Variants in COL5A2 observed in about 807,000 individuals in gnomAD.
COL5A2 encodes collagen type V alpha 2 chain.
A neutral mutation model predicts 208.2 loss-of-function variants in COL5A2; 23 were observed. That is an observed-to-expected ratio of 0.11 (90% CI 0.08 to 0.16). The LOEUF (loss-of-function observed/expected upper bound fraction) is 0.16, where lower values mean the gene tolerates loss of function less well. COL5A2 is among the 10% of genes least tolerant of loss of function. The pLI is 1.00. For missense variants in COL5A2, 1,590 were observed against 1,956.4 expected (o/e 0.81, Z 3.53); for synonymous variants, 625 against 628.5 (o/e 0.99, Z 0.08).
At position 189,064,879 on chromosome 2, in the gene COL5A2, G is replaced by GT. The variant is rs1686113802; in HGVS notation, c.1617+124dup. The stretch of plus-strand genomic sequence containing the variant: ...CAAGAGAGGATTGGGGTTAGGCCTG[G>GT]TATTTGTATCCATCTCCTTTCTGGA... On this transcript the variant is annotated intron_variant, in intron 24 of 53. Coordinates refer to ENST00000374866, the MANE Select transcript of COL5A2 (RefSeq NM_000393.5). 6.2e-6 allele frequency: 6 copies of GT among 960,942 alleles called. No homozygotes were observed. The South Asian group carries it at 8.3e-5, about 13-fold the overall frequency. 59.5% of individuals were successfully genotyped at this position (960,942 alleles called of 1,614,324 possible).
chr2:189,269,856 C>T, the COL5A2 span, among the ~76,000 whole-genome samples: 1 of 152,118 alleles, frequency 6.6e-6, no homozygotes, highest in South Asian at 2.1e-4. Flanking sequence ...AGCTGTGAAT[C>T]CATCTGGTCC....
In COL5A2 at chr2:189,109,920, G is replaced by A. The variant is rs989200587; in HGVS notation, c.322+305C>T. Among the ~76,000 whole-genome samples the A allele has an allele frequency of 3.3e-5, 5 of 152,066 alleles. No individual in the cohort carries two copies. The East Asian group carries it at 5.8e-4, about 18-fold the overall frequency. On this transcript the variant is annotated intron_variant, in intron 2 of 53. Coordinates refer to ENST00000374866, the MANE Select transcript of COL5A2 (RefSeq NM_000393.5). ...AAGGGAAACTGAAAAATAACTTGGA[G>A]GCACTCATCATGCATATGGTAACAA... is the stretch of plus-strand genomic sequence containing the variant.
the COL5A2 span, among the ~76,000 whole-genome samples, chr2:189,287,319 G>A: frequency 6.6e-6 from 1 of 151,950 alleles, no homozygotes; most frequent in African/African-American, 2.4e-5. Flanking sequence ...CCTAATGAAT[G>A]ACAGAATAAA....
intron 1 of COL5A2, among the ~76,000 whole-genome samples, chr2:189,144,295 G>A (rs1174807194): frequency 2.0e-5 from 3 of 152,134 alleles, no homozygotes; most frequent in Non-Finnish European, 4.4e-5. Flanking sequence ...ACATAGTTGG[G>A]TATTTGCTTA....
chr2:189,216,332 A>C (rs1391349612), intron 1 of COL5A2, among the ~76,000 whole-genome samples: 2 of 152,022 alleles, frequency 1.3e-5, no homozygotes, highest in Non-Finnish European at 2.9e-5. Flanking sequence ...CCATATTAAG[A>C]TTCATCCCTT....
At chr2:189,093,358 T>C (rs536622531) in intron 6 of COL5A2, among the ~76,000 whole-genome samples, 1 of 152,166 alleles carries the variant, frequency 6.6e-6, no homozygotes, top group Non-Finnish European at 1.5e-5. Context: ...AAGGGAAATA[T>C]GGTAAATGAA....
the COL5A2 span, among the ~76,000 whole-genome samples, chr2:189,341,327 T>G: frequency 6.6e-6 from 1 of 152,140 alleles, no homozygotes; most frequent in African/African-American, 2.4e-5. Context: ...TTCAAACCAC[T>G]GTATTAAAGT....
chr2:189,296,960 G>A, the COL5A2 span, among the ~76,000 whole-genome samples: 1 of 152,100 alleles, frequency 6.6e-6, no homozygotes, highest in Non-Finnish European at 1.5e-5. Context: ...GCCAATCTGG[G>A]AGCCCCCATC....
intron 1 of COL5A2, among the ~76,000 whole-genome samples, chr2:189,218,308 T>C (rs577393005): frequency 4.6e-5 from 7 of 152,242 alleles, no homozygotes; most frequent in Admixed American, 1.3e-4. Flanking sequence ...AAGTAGACAC[T>C]AAATCCAATG....
the COL5A2 span, among the ~76,000 whole-genome samples, chr2:189,243,276 C>A: frequency 6.6e-6 from 1 of 152,102 alleles, no homozygotes; most frequent in Non-Finnish European, 1.5e-5. Flanking sequence ...TAAGTTCAAT[C>A]TAGAAAAAAT....
At chr2:189,335,634 C>G in the COL5A2 span, among the ~76,000 whole-genome samples, 5 of 151,998 alleles carry the variant, frequency 3.3e-5, no homozygotes, top group African/African-American at 9.7e-5. Context: ...ATAAATCATG[C>G]TAAATGAAAT....
At chr2:189,231,268 C>G in the COL5A2 span, among the ~76,000 whole-genome samples, 34 of 151,728 alleles carry the variant, frequency 2.2e-4, 1 homozygote, top group African/African-American at 8.2e-4. Flanking sequence ...AATGTGCTTA[C>G]AGTAAACAAC....
At chr2:189,282,855 C>A in the COL5A2 span, among the ~76,000 whole-genome samples, 2 of 152,084 alleles carry the variant, frequency 1.3e-5, no homozygotes, top group Admixed American at 1.3e-4. Context: ...TTTTGTGCCT[C>A]ATGATCTTTA....
At chr2:189,282,451 A>C in the COL5A2 span, among the ~76,000 whole-genome samples, 1 of 152,164 alleles carries the variant, frequency 6.6e-6, no homozygotes, top group Non-Finnish European at 1.5e-5. Context: ...AAACGTTGGA[A>C]ATAAGCACCA....
At chr2:189,169,035 T>C (rs775739609) in intron 1 of COL5A2, among the ~76,000 whole-genome samples, 1 of 152,218 alleles carries the variant, frequency 6.6e-6, no homozygotes, top group East Asian at 1.9e-4. Flanking sequence ...AGAGACTTGC[T>C]ACAGAGTCTG....
At chr2:189,409,202 C>CTTT in the COL5A2 span, among the ~76,000 whole-genome samples, 3 of 89,824 alleles carry the variant, frequency 3.3e-5, no homozygotes, top group Non-Finnish European at 5.2e-5. Context: ...TATAAATTTA[C>CTTT]TCTTTTTTTT....
At chr2:189,326,086 G>T in the COL5A2 span, among the ~76,000 whole-genome samples, 1 of 110,934 alleles carries the variant, frequency 9.0e-6, no homozygotes, top group Non-Finnish European at 1.8e-5. Flanking sequence ...GACAGAGCAA[G>T]ACCCTGTCTC....
intron 1 of COL5A2, among the ~76,000 whole-genome samples, chr2:189,146,480 G>A (rs73980165): frequency 0.029 from 4,444 of 152,158 alleles, 77 homozygotes; most frequent in Admixed American, 0.045. Context: ...TGGATTTTCC[G>A]AGTCTAGGCA....
chr2:189,070,527 A>G (rs555080121), intron 18 of COL5A2, among the ~76,000 whole-genome samples: 5 of 152,302 alleles, frequency 3.3e-5, no homozygotes, highest in African/African-American at 1.2e-4. Flanking sequence ...TTTGAGTTTT[A>G]TTGAGCAGTT....
Sources: gnomAD v4.1 joint callset for allele counts (sites outside exome capture counted in the v4.1 genomes callset) on GRCh38, gnomAD v4.1.1 for gene constraint, MANE v1.5 for transcripts, NCBI Gene and HGNC (gene_info 2026-07-23, HGNC 2026-07-21) for gene names.